The following PHKB variants were observed in gnomAD, a reference collection of about 807,000 sequenced individuals.
PHKB encodes phosphorylase kinase regulatory subunit beta.
Under a neutral mutation model 152.1 loss-of-function variants are expected in PHKB, and 122 were observed. The ratio of observed to expected loss-of-function variants is 0.80; its 90% CI spans 0.69 to 0.93. PHKB has a LOEUF of 0.93. Ranked by LOEUF, PHKB falls within the 40% of genes least tolerant of loss-of-function variation. The pLI, the probability that PHKB is intolerant of heterozygous loss-of-function variation, is 0.00. For synonymous variants in PHKB, 436 were observed against 464.9 expected (o/e 0.94, Z 0.80); for missense variants, 1,304 against 1,328.4 (o/e 0.98, Z 0.29).
intron 6 of PHKB, among the ~76,000 whole-genome samples, chr16:47,527,957 A>G (rs1227984064): frequency 6.6e-6 from 1 of 152,224 alleles, no homozygotes. Flanking sequence ...TCCCACTGTC[A>G]GAACTGTGGA....
intron 7 of PHKB, among the ~76,000 whole-genome samples, chr16:47,559,293 G>A (rs750862890): frequency 9.2e-5 from 14 of 152,236 alleles, no homozygotes; most frequent in Non-Finnish European, 2.1e-4. Context: ...CTATTTTACA[G>A]TATTCAAAAT....
At chr16:47,524,717 A>G (rs1162681375) in intron 6 of PHKB, among the ~76,000 whole-genome samples, 1 of 152,224 alleles carries the variant, frequency 6.6e-6, no homozygotes, top group Non-Finnish European at 1.5e-5. Flanking sequence ...CATGGGAATG[A>G]AGCTACTAAT....
intron 7 of PHKB, among the ~76,000 whole-genome samples, chr16:47,557,639 A>G (rs1971399833): frequency 6.6e-6 from 1 of 152,362 alleles, no homozygotes; most frequent in East Asian, 1.9e-4. Context: ...AAAAATGCTC[A>G]CCATCACTGG....
intron 20 of PHKB, among the ~76,000 whole-genome samples, chr16:47,660,211 T>C (rs538483138): frequency 6.6e-6 from 1 of 152,192 alleles, no homozygotes; most frequent in Non-Finnish European, 1.5e-5. Context: ...TTATTTTAAT[T>C]CCAGATTAAA....
intron 5 of PHKB, among the ~76,000 whole-genome samples, chr16:47,513,117 T>C (rs1351396558): frequency 6.6e-6 from 1 of 152,244 alleles, no homozygotes; most frequent in African/African-American, 2.4e-5. Context: ...TTTATCTTTG[T>C]ATCCCAGATT....
intron 16 of PHKB, among the ~76,000 whole-genome samples, chr16:47,646,434 G>GA (rs1284171708): frequency 2.4e-4 from 29 of 120,482 alleles, no homozygotes; most frequent in Non-Finnish European, 4.6e-4. Flanking sequence ...AATGCTAGAT[G>GA]ACACGTTAGT....
intron 7 of PHKB, among the ~76,000 whole-genome samples, chr16:47,549,130 C>T (rs900751888): frequency 6.6e-6 from 1 of 152,116 alleles, no homozygotes; most frequent in Non-Finnish European, 1.5e-5. Context: ...TCATTTCAGA[C>T]ATTAAACAGA....
At chr16:47,628,260 C>T (rs941952585) in intron 14 of PHKB, among the ~76,000 whole-genome samples, 2 of 152,166 alleles carry the variant, frequency 1.3e-5, no homozygotes, top group South Asian at 2.1e-4. Flanking sequence ...TGGCCGGGCG[C>T]GGTGGCTCAT....
At chr16:47,693,292 C>G in intron 27 of PHKB, 86 bp from the exon 28 acceptor site, 1 of 1,361,026 alleles carries the variant, frequency 7.3e-7, no homozygotes, top group South Asian at 1.2e-5. Flanking sequence ...CTTACCCTAT[C>G]AGAACAATTA....
At chr16:47,574,325 G>A (rs1326741750) in intron 7 of PHKB, among the ~76,000 whole-genome samples, 1 of 152,162 alleles carries the variant, frequency 6.6e-6, no homozygotes, top group East Asian at 1.9e-4. Flanking sequence ...AATCATGGAG[G>A]CAGTCTCCCC....
chr16:47,626,863 C>T (rs1446578004), intron 14 of PHKB, among the ~76,000 whole-genome samples: 1 of 152,206 alleles, frequency 6.6e-6, no homozygotes, highest in Non-Finnish European at 1.5e-5. Flanking sequence ...GTAGACCCCT[C>T]CTACAGCCAA....
In PHKB at chr16:47,477,574, C is replaced by CA. The variant is rs35533619; in HGVS notation, c.76+16152dup. Among the ~76,000 whole-genome samples, 1,141 of 152,158 alleles carry CA rather than the reference C, an allele frequency of 7.5e-3. 19 individuals are homozygous for CA. Among genetic ancestry groups the CA allele is most frequent in the African/African-American group, 0.026 (1,081 of 41,502 alleles). On this transcript the variant is annotated intron_variant, in intron 1 of 30. Transcript: ENST00000323584. ...TCTACTGGTCAAGTCCGAAAAGTTT[C>CA]AAAATTCAGACTCATAAAATAAATG... is the stretch of plus-strand genomic sequence containing the variant.
At chr16:47,488,579 T>C (rs1217951656) in intron 1 of PHKB, among the ~76,000 whole-genome samples, 3 of 152,228 alleles carry the variant, frequency 2.0e-5, no homozygotes, top group Non-Finnish European at 4.4e-5. Flanking sequence ...TGGTTTTAAG[T>C]TTTACATTTA....
chr16:47,697,935 C>T lies in PHKB; in HGVS notation c.3004-513C>T, dbSNP rs147158687. 1.4e-4 allele frequency among the ~76,000 whole-genome samples: 22 copies of T among 152,208 alleles called. No individual in the cohort carries two copies. The East Asian group carries it at 4.1e-3, about 28-fold the overall frequency. ...CATATTTTTTTAAAACATGGCCATC[C>T]CTTGAGAAACTACTGTGGCATCACA... On this transcript the variant is annotated intron_variant, in intron 29 of 30. Transcript: ENST00000323584.
At chr16:47,638,192 A>C (rs1309175190) in intron 14 of PHKB, among the ~76,000 whole-genome samples, 3 of 152,160 alleles carry the variant, frequency 2.0e-5, no homozygotes. Flanking sequence ...GATGTTCAGA[A>C]TCATTTGGGG....
intron 7 of PHKB, among the ~76,000 whole-genome samples, chr16:47,548,606 C>CAA (rs11333810): frequency 4.8e-5 from 4 of 83,532 alleles, no homozygotes; most frequent in Non-Finnish European, 5.6e-5. Context: ...GACTCCGTCT[C>CAA]AAAAAAAAAA....
chr16:47,631,047 C>T (rs1291068335), intron 14 of PHKB, among the ~76,000 whole-genome samples: 3 of 152,102 alleles, frequency 2.0e-5, no homozygotes, highest in African/African-American at 7.2e-5. Flanking sequence ...TCCTGGGTCT[C>T]CAGCTTGCCA....
At chr16:47,691,692 G>A (rs776911482) in intron 27 of PHKB, among the ~76,000 whole-genome samples, 171 of 146,768 alleles carry the variant, frequency 1.2e-3, no homozygotes, top group Admixed American at 3.3e-3. Context: ...GATAGAGTCA[G>A]ATCCTGTCTC....
chr16:47,548,560 T>C lies in PHKB; in HGVS notation c.710+1012T>C, dbSNP rs532858902. ...AGGTGGAGGTTGCAGTGAACCAAGA[T>C]TGTGCCACTGCACTCCAGCCTGGGT... On this transcript the variant is annotated intron_variant, in intron 7 of 30. Coordinates refer to ENST00000323584, the MANE Select transcript of PHKB (RefSeq NM_000293.3). Among the ~76,000 whole-genome samples the C allele has an allele frequency of 5.3e-5, 8 of 151,448 alleles. No homozygotes were observed. In the East Asian group the frequency reaches 1.6e-3, roughly 29 times the overall value.
Sources: gnomAD v4.1 joint callset for allele counts (sites outside exome capture counted in the v4.1 genomes callset) on GRCh38, gnomAD v4.1.1 for gene constraint, MANE v1.5 for transcripts, NCBI Gene and HGNC (gene_info 2026-07-23, HGNC 2026-07-21) for gene names.